Variants in OBSL1 observed in about 807,000 individuals in gnomAD.
OBSL1 encodes the protein obscurin like cytoskeletal adaptor 1.
Under a neutral mutation model 172.0 loss-of-function variants are expected in OBSL1, and 160 were observed. The observed-to-expected ratio is 0.93, with a 90% confidence interval of 0.82 to 1.06. OBSL1 has a LOEUF of 1.06. Among genes scored for constraint, OBSL1 ranks in the 50% least tolerant of loss-of-function variants. The pLI is 0.00. For synonymous variants in OBSL1, 1,200 were observed against 1,196.3 expected, an observed-to-expected ratio of 1.00 and a Z score of -0.06; for missense variants, 2,681 against 2,715.4, an observed-to-expected ratio of 0.99 and a Z score of 0.28.
Position 219,568,022 on chromosome 2 carries a change from C to G in OBSL1, c.1282+33G>C. 6.2e-7 allele frequency: 1 copy of G among 1,608,646 alleles called. No homozygotes were observed. Among genetic ancestry groups the G allele is most frequent in the Non-Finnish European group, 8.5e-7 (1 of 1,175,630 alleles). On this transcript the variant is annotated intron_variant, in intron 2 of 20. Coordinates refer to ENST00000404537, the MANE Select transcript of OBSL1 (RefSeq NM_015311.3). The surrounding 1 kb of genome is among the most constrained non-coding windows in gnomAD (Gnocchi z 4.1). Reference sequence around the variant, plus strand: ...CTGGAATCTGAGCACCTGCCTGCCTCCGCCTCAGCCTCTTCCCCACGGGCC... The same window carrying G: ...CTGGAATCTGAGCACCTGCCTGCCTGCGCCTCAGCCTCTTCCCCACGGGCC...
Position 219,551,801 on chromosome 2 carries a change from G to A in OBSL1, c.5414-3C>T, listed in dbSNP as rs564238020. On this transcript the variant is annotated splice_polypyrimidine_tract_variant and splice_region_variant and intron_variant, in intron 19 of 20. Coordinates refer to ENST00000404537, the MANE Select transcript of OBSL1 (RefSeq NM_015311.3). ...GCGGCACATCTGGAGAGGCAATGCT[G>A]GGGGTAGGGGGCGGGGGCTTAAGTT... is the stretch of plus-strand genomic sequence containing the variant. The A allele has an allele frequency of 6.5e-7, 1 of 1,550,212 alleles. No homozygotes were observed. Among genetic ancestry groups the A allele is most frequent in the East Asian group, 2.3e-5 (1 of 44,284 alleles).
chr2:219,570,612 G>A lies in OBSL1; in HGVS notation c.621C>T (p.Tyr207=). 1.3e-6 allele frequency: 2 copies of A among 1,516,158 alleles called. No homozygotes were observed. Among genetic ancestry groups the A allele is most frequent in the African/African-American group, 1.4e-5 (1 of 69,448 alleles). 93.9% of individuals were successfully genotyped at this position (1,516,158 alleles called of 1,614,324 possible). ...LAARLPDSGV[Y]VCHARNAHGH... ...CGTGCGCGTTGCGGGCGTGGCACAC[G>A]TAGACGCCGGAATCCGGCAGCCGAG... is the stretch of plus-strand genomic sequence containing the variant. Residue 207 remains tyrosine (Y), a synonymous_variant, in exon 1 of 21, where the codon TAC becomes TAT. Transcript: ENST00000404537.
At position 219,552,664 on chromosome 2, in the gene OBSL1, G is replaced by C. The variant is rs775246985; in HGVS notation, c.5180C>G (p.Ser1727Trp). ...GCCGTCGCCTTCGCGGGCGCTCACC[G>C]ACCGCAGCTCGGAGAGTACCGCCAC... The part of the protein sequence containing the change: ...RTVAVLSELR[S>W]VSAREGDGAT... The change falls in exon 18 of 21, where the codon TCG (serine) becomes TGG (tryptophan). Residue 1727 changes from serine (S) to tryptophan (W), a missense_variant. By Grantham distance (177) the Ser-to-Trp change is radical. Transcript: ENST00000404537. 2 of 1,540,020 alleles carry C rather than the reference G, an allele frequency of 1.3e-6. No homozygotes were observed. The highest frequency in any genetic ancestry group is 1.2e-5 in the South Asian group (1 of 84,702).
chr2:219,551,658 C>G lies in OBSL1; in HGVS notation c.5554G>C (p.Asp1852His). Residue 1852 changes from aspartate to histidine, a missense_variant, in exon 20 of 21, where the codon GAT (aspartate) becomes CAT (histidine). Physicochemically the swap from Asp to His is moderately conservative, Grantham distance 81. Coordinates refer to ENST00000404537, the MANE Select transcript of OBSL1 (RefSeq NM_015311.3). ...CCGTGGCTGCGCATCTCATACTTAT[C>G]TCCCGGGCACAGCTCGGCCCCCTCC... ...LREGAELCPGDKYEMRSHGPT... is the reference protein window; with the variant it reads ...LREGAELCPGHKYEMRSHGPT... The G allele has an allele frequency of 6.2e-7, 1 of 1,611,750 alleles. No homozygotes were observed. Among genetic ancestry groups the G allele is most frequent in the African/African-American group, 1.3e-5 (1 of 75,046 alleles).
rs1166870701 is a variant in OBSL1, at chr2:219,557,490, C to T, written c.3919G>A (p.Glu1307Lys). ...ACCCGCCCCTGGCTTGCCAGTCGCT[C>T]CCCGTCCTTGTACCAGCGTACAGGG... ...GGPVRWYKDG[E>K]RLASQGRVQL... The change falls in exon 12 of 21, where the codon GAG (glutamate) becomes AAG (lysine). Residue 1307 changes from glutamate (E) to lysine (K), a missense_variant. Glu to Lys is a moderately conservative substitution (Grantham distance 56). Around this residue, in one of 5 missense-constraint regions of OBSL1, gnomAD observed 1,765 missense variants for 1,748.3 expected, o/e 1.01. Coordinates refer to ENST00000404537, the MANE Select transcript of OBSL1 (RefSeq NM_015311.3). The T allele has an allele frequency of 1.3e-6, 2 of 1,553,108 alleles. No homozygotes were observed. The highest frequency in any genetic ancestry group is 3.9e-5 in the Admixed American group (2 of 51,506).
chr2:219,562,072 C>G (rs751366114), intron 8 of OBSL1: 1 of 707,064 alleles, frequency 1.4e-6, no homozygotes, highest in Non-Finnish European at 2.7e-6. Flanking sequence ...GTTTGCGACC[C>G]CTGGTTAACA....
intron 15 of OBSL1, 132 bp from the exon 16 acceptor site, chr2:219,553,818 G>A: frequency 1.8e-6 from 1 of 542,664 alleles, no homozygotes; most frequent in Non-Finnish European, 3.4e-6. Flanking sequence ...GCTGGGACAA[G>A]TGGTCCAAGA....
intron 6 of OBSL1, among the ~76,000 whole-genome samples, chr2:219,564,149 T>C (rs1434673806): frequency 6.6e-6 from 1 of 152,212 alleles, no homozygotes; most frequent in Non-Finnish European, 1.5e-5. Flanking sequence ...GTGGGATCCA[T>C]GGTTCCCAAG....
intron 18 of OBSL1, 82 bp from the exon 19 acceptor site, chr2:219,552,298 T>A (rs1559132309): frequency 1.5e-6 from 2 of 1,339,466 alleles, no homozygotes; most frequent in South Asian, 2.6e-5. Flanking sequence ...AGCAGGCCCC[T>A]GGGTCGGTTC....
At chr2:219,559,636 A>G in intron 8 of OBSL1, 139 bp from the exon 9 acceptor site, 2 of 760,072 alleles carry the variant, frequency 2.6e-6, no homozygotes, top group Non-Finnish European at 4.1e-6. Flanking sequence ...ATAGGTCCAC[A>G]GTTTGTTCTC....
Position 219,570,871 on chromosome 2 carries a change from G to A in OBSL1, c.362C>T (p.Pro121Leu), listed in dbSNP as rs747304323. The A allele has an allele frequency of 5.2e-5, 73 of 1,390,502 alleles. 1 individual carries two copies. Among genetic ancestry groups the A allele is most frequent in the Non-Finnish European group, 5.4e-5 (58 of 1,073,936 alleles). The allele number at this position is 1,390,502 out of a possible 1,614,324, so 86.1% of individuals were successfully genotyped here. The change falls in exon 1 of 21, where the codon CCG becomes CTG. Residue 121 changes from proline (P) to leucine (L), a missense_variant. By Grantham distance (98) the Pro-to-Leu change is moderately conservative (BLOSUM62 -3). Transcript: ENST00000404537. ...LQPAERPLPS[P>L]GSGEGAPVFL... ...GACCGGGGCGCCCTCCCCGGACCCC[G>A]GCGATGGCAGCGGGCGCTCGGCGGG... is the stretch of plus-strand genomic sequence containing the variant.
chr2:219,562,790 T>C (rs1251815585), intron 7 of OBSL1, 116 bp from the exon 8 acceptor site: 2 of 1,109,728 alleles, frequency 1.8e-6, no homozygotes, highest in African/African-American at 3.1e-5. Flanking sequence ...GGGACCTTCC[T>C]GAGACCAAAT....
chr2:219,571,151 C>T lies in OBSL1; in HGVS notation c.82G>A (p.Glu28Lys), dbSNP rs555031073. 81 of 1,487,730 alleles carry T rather than the reference C, an allele frequency of 5.4e-5. No individual in the cohort carries two copies. The East Asian group carries it at 2.0e-3, about 37-fold the overall frequency. The allele number at this position is 1,487,730 out of a possible 1,614,324, so 92.2% of individuals were successfully genotyped here. The change falls in exon 1 of 21, where the codon GAG (glutamate) becomes AAG (lysine). Residue 28 changes from glutamate to lysine, a missense_variant. Physicochemically the swap from Glu to Lys is moderately conservative, Grantham distance 56. This residue lies in a region of OBSL1 where 90 missense variants were observed against 76.6 expected (regional missense o/e 1.18). Coordinates refer to ENST00000404537, the MANE Select transcript of OBSL1 (RefSeq NM_015311.3). ...AGGACCACGCACTTGAGCTCGGCCT[C>T]GGCGCCACTTACCACCCGCACAGGC... ...PRPVRVVSGAEAELKCVVLGE... is the reference protein window; with the variant it reads ...PRPVRVVSGAKAELKCVVLGE...
At position 219,552,182 on chromosome 2, in the gene OBSL1, G is replaced by C; in HGVS notation, c.5343C>G (p.Arg1781=). The C allele has an allele frequency of 6.2e-7, 1 of 1,610,358 alleles. No individual in the cohort carries two copies. The highest frequency in any genetic ancestry group is 8.5e-7 in the Non-Finnish European group (1 of 1,178,780). The change falls in exon 19 of 21, where the codon CGC becomes CGG. Residue 1781 remains arginine, a synonymous_variant. Transcript: ENST00000404537. ...AGCGGACTTCACCGGCGTCCTCGGC[G>C]CGCAGCTCGCTAAGCACCAGAATGT... ...KKHILVLSEL[R]AEDAGEVRFQ...
chr2:219,548,463 T>TA (rs1242146321), downstream of OBSL1, among the ~76,000 whole-genome samples: 1 of 152,078 alleles, frequency 6.6e-6, no homozygotes, highest in African/African-American at 2.4e-5. Context: ...TGGAAGCTAT[T>TA]AGAGTTAGGG....
chr2:219,557,507 C>T lies in OBSL1; in HGVS notation c.3902G>A (p.Arg1301His), dbSNP rs746605175. 3.2e-5 allele frequency: 50 copies of T among 1,553,344 alleles called. No individual in the cohort carries two copies. The highest frequency in any genetic ancestry group is 1.7e-4 in the South Asian group (14 of 84,250). ...CAGTCGCTCCCCGTCCTTGTACCAG[C>T]GTACAGGGCCCCCTGGCCCGGAGAG... Reference protein sequence around the residue: ...VHLSGPGGPVRWYKDGERLAS... With the variant: ...VHLSGPGGPVHWYKDGERLAS... The change falls in exon 12 of 21, where the codon CGC (arginine) becomes CAC (histidine). Residue 1301 changes from arginine (R) to histidine (H), a missense_variant. Around this residue, in one of 5 missense-constraint regions of OBSL1, gnomAD observed 1,765 missense variants for 1,748.3 expected, o/e 1.01. Coordinates refer to ENST00000404537, the MANE Select transcript of OBSL1 (RefSeq NM_015311.3).
intron 16 of OBSL1, 149 bp downstream of exon 16, chr2:219,553,425 A>C: frequency 1.4e-6 from 1 of 693,110 alleles, no homozygotes; most frequent in Non-Finnish European, 2.6e-6. Context: ...TACCTCCTAG[A>C]GTTGTCCTTG....
downstream of OBSL1, chr2:219,550,030 C>A: frequency 1.2e-6 from 1 of 854,410 alleles, no homozygotes. Flanking sequence ...AGGAAAGCCC[C>A]CTCCCAAGCT....
chr2:219,550,428 G>A (rs571825280), downstream of OBSL1: 206 of 213,370 alleles, frequency 9.7e-4, no homozygotes, highest in Middle Eastern at 1.8e-3. Flanking sequence ...GGGTGGGGGG[G>A]TGCTGCTCTG....
Sources: allele counts gnomAD v4.1 joint callset (sites outside exome capture counted in the v4.1 genomes callset), GRCh38; gene constraint gnomAD v4.1.1; regional missense constraint gnomAD v4.1.1; non-coding constraint Gnocchi (gnomAD v3.1); transcripts MANE v1.5; gene names NCBI Gene and HGNC (gene_info 2026-07-23, HGNC 2026-07-21).